Variants in GOLPH3 observed in about 807,000 individuals in gnomAD.
GOLPH3 encodes coat protein GPP34.
Under a neutral mutation model 28.5 loss-of-function variants are expected in GOLPH3, and 14 were observed. The observed-to-expected ratio is 0.49, with a 90% CI of 0.32 to 0.77. GOLPH3 has a LOEUF of 0.77. Ranked by LOEUF, GOLPH3 falls within the 30% of genes least tolerant of loss-of-function variation. The probability of loss-of-function intolerance (pLI) is 0.03; values close to 1 mark genes in which losing one functional copy is unlikely to be tolerated. For synonymous variants in GOLPH3, 158 were observed against 159.2 expected (o/e 0.99, Z 0.06); for missense variants, 350 against 393.7 (o/e 0.89, Z 0.94).
intron 2 of GOLPH3, among the ~76,000 whole-genome samples, chr5:32,139,978 G>C (rs1000063813): frequency 6.6e-6 from 1 of 152,170 alleles, no homozygotes; most frequent in Admixed American, 6.5e-5. Context: ...AACTCTTTAA[G>C]AGTAGCCAAG....
At chr5:32,167,887 G>A (rs900495326) in intron 1 of GOLPH3, among the ~76,000 whole-genome samples, 7 of 152,052 alleles carry the variant, frequency 4.6e-5, no homozygotes, top group African/African-American at 9.7e-5. Flanking sequence ...TCAGGAGGTC[G>A]AGGTTGCAAT....
chr5:32,150,877 T>C lies in GOLPH3; in HGVS notation c.226-6997A>G, dbSNP rs1746289102. 2.6e-5 allele frequency among the ~76,000 whole-genome samples: 4 copies of C among 152,124 alleles called. No individual in the cohort carries two copies. In the South Asian group the frequency reaches 6.2e-4, roughly 24 times the overall value. ...AATGTCATCACAAATCAATGTAACA[T>C]GGAAAGATGAACATTTTAAACAAAC... On this transcript the variant is annotated intron_variant, in intron 1 of 3. Transcript: ENST00000265070.
At chr5:32,144,799 G>A (rs1285492588) in intron 1 of GOLPH3, among the ~76,000 whole-genome samples, 1 of 152,166 alleles carries the variant, frequency 6.6e-6, no homozygotes, top group African/African-American at 2.4e-5. Context: ...TGGGATACTG[G>A]TCAAGCAGGC....
chr5:32,163,419 TGTG>T (rs2111890775), intron 1 of GOLPH3, among the ~76,000 whole-genome samples: 1 of 152,334 alleles, frequency 6.6e-6, no homozygotes, highest in East Asian at 1.9e-4. Context: ...GGCTCACATC[TGTG>T]ATCCCAGCAC....
At position 32,135,633 on chromosome 5, in the gene GOLPH3, C is replaced by T. The variant is rs949218403; in HGVS notation, c.411G>A (p.Leu137=). The change falls in exon 3 of 4, where the codon CTG becomes CTA. Residue 137 remains leucine (L), a synonymous_variant. Coordinates refer to ENST00000265070, the MANE Select transcript of GOLPH3 (RefSeq NM_022130.4). ...PTGDVLLDEA[L]KHVKETQPPE... Reference sequence around the variant, plus strand: ...GAGGCTGAGTTTCCTTAACATGCTTCAGAGCTTCATCAAGAAGAACATCCC... The same window carrying T: ...GAGGCTGAGTTTCCTTAACATGCTTTAGAGCTTCATCAAGAAGAACATCCC... 8 of 1,613,794 alleles carry T rather than the reference C, an allele frequency of 5.0e-6. No individual in the cohort carries two copies. Among genetic ancestry groups the T allele is most frequent in the Non-Finnish European group, 6.8e-6 (8 of 1,179,848 alleles).
intron 1 of GOLPH3, among the ~76,000 whole-genome samples, chr5:32,153,978 T>C (rs1400080189): frequency 6.6e-6 from 1 of 152,208 alleles, no homozygotes; most frequent in East Asian, 1.9e-4. Context: ...GGACATTGTG[T>C]TGGCCTTGCC....
rs1745642383 is a variant in GOLPH3 at position 32,124,927 on chromosome 5, T to C, written c.*1285A>G. 6.6e-6 allele frequency: 1 copy of C among 152,636 alleles called. No homozygotes were observed. The highest frequency in any genetic ancestry group is 1.5e-5 in the Non-Finnish European group (1 of 68,038). 9.5% of individuals were successfully genotyped at this position (152,636 alleles called of 1,614,324 possible). ...ATAAAAAATTTTGACATTTAATTTG[T>C]TCAACATATAGTATTTACATTATGA... On this transcript the variant is annotated 3_prime_UTR_variant, in exon 4 of 4. Transcript: ENST00000265070.
intron 2 of GOLPH3, among the ~76,000 whole-genome samples, chr5:32,136,153 C>T (rs1008386839): frequency 1.1e-4 from 17 of 151,670 alleles, no homozygotes; most frequent in Admixed American, 3.3e-4. Context: ...CCACCCTGGA[C>T]GAAAGAGTGA....
Position 32,143,750 on chromosome 5 carries a change from T to C in GOLPH3, c.356A>G (p.Lys119Arg). ...AATGTTACTCAGCACTCCTCTTACC[T>C]TTCTTGTTAATAGACTTTTACGTCT... ...GMRRKSLLTR[K>R]VICKSDAPTG... The change falls in exon 2 of 4, where the codon AAG becomes AGG. Residue 119 changes from lysine (K) to arginine (R), a missense_variant and splice_region_variant. By Grantham distance (26) the Lys-to-Arg change is conservative. Coordinates refer to ENST00000265070, the MANE Select transcript of GOLPH3 (RefSeq NM_022130.4). 6.2e-7 allele frequency: 1 copy of C among 1,607,904 alleles called. No homozygotes were observed. The highest frequency in any genetic ancestry group is 2.2e-5 in the East Asian group (1 of 44,556).
At chr5:32,141,795 G>C (rs944027845) in intron 2 of GOLPH3, among the ~76,000 whole-genome samples, 1 of 152,068 alleles carries the variant, frequency 6.6e-6, no homozygotes, top group East Asian at 1.9e-4. Context: ...GTGGAGACGG[G>C]GATTCGCTGT....
At chr5:32,159,292 C>T (rs1403684248) in intron 1 of GOLPH3, among the ~76,000 whole-genome samples, 6 of 152,210 alleles carry the variant, frequency 3.9e-5, no homozygotes, top group Admixed American at 3.9e-4. Context: ...ATACAAAATT[C>T]ATTTGTGTTT....
chr5:32,173,926 C>CGCTGCT lies in GOLPH3; in HGVS notation c.103_108dup (p.Ser35_Ser36dup). On this transcript the variant is annotated inframe_insertion, in exon 1 of 4. Transcript: ENST00000265070. Reference sequence around the variant, plus strand: ...TCGCGGCGGCTCTGCGCGTCGTCCTCGCTGCTGCCGGCGCCGCCGCCCGCC... The same window carrying CGCTGCT: ...TCGCGGCGGCTCTGCGCGTCGTCCTCGCTGCTGCTGCTGCCGGCGCCGCCGCCCGCC... The CGCTGCT allele has an allele frequency of 6.7e-6, 10 of 1,494,070 alleles. No homozygotes were observed. The highest frequency in any genetic ancestry group is 8.0e-6 in the Non-Finnish European group (9 of 1,127,002). 92.6% of individuals were successfully genotyped at this position (1,494,070 alleles called of 1,614,324 possible).
intron 1 of GOLPH3, among the ~76,000 whole-genome samples, chr5:32,148,301 G>A (rs1746222163): frequency 6.6e-6 from 1 of 152,184 alleles, no homozygotes. Flanking sequence ...AAACCAGTTT[G>A]CAACCGCTAA....
At position 32,143,890 on chromosome 5, in the gene GOLPH3, AAAG is replaced by A. The variant is rs538650816; in HGVS notation, c.226-13_226-11del. ...AAAATGATGTGTAACCCTATTAAAA[AAAG>A]AAGAAGAAATAAAACAAAATAGCTA... On this transcript the variant is annotated splice_polypyrimidine_tract_variant and intron_variant, in intron 1 of 3. Transcript: ENST00000265070. 1,980 of 1,494,930 alleles carry A rather than the reference AAAG, an allele frequency of 1.3e-3. 25 individuals carry two copies. In the African/African-American group the frequency reaches 0.022, roughly 17 times the overall value. The allele number at this position is 1,494,930 out of a possible 1,614,324, so 92.6% of individuals were successfully genotyped here. A position where few individuals can be genotyped will look rare whatever the true frequency, so the allele number is the denominator to read the frequency against.
intron 1 of GOLPH3, among the ~76,000 whole-genome samples, chr5:32,169,737 C>T (rs1746791441): frequency 6.6e-6 from 1 of 152,234 alleles, no homozygotes; most frequent in East Asian, 1.9e-4. Context: ...CCCTCAAACA[C>T]TGGGTCAATT....
rs1746910975 is a variant in GOLPH3 at position 32,173,882 on chromosome 5, G to A, written c.153C>T (p.Asp51=). 6.6e-7 allele frequency: 1 copy of A among 1,526,672 alleles called. No individual in the cohort carries two copies. The allele number at this position is 1,526,672 out of a possible 1,614,324, so 94.6% of individuals were successfully genotyped here. The change falls in exon 1 of 4, where the codon GAC becomes GAT. Residue 51 remains aspartate, a synonymous_variant. Transcript: ENST00000265070. The part of the protein sequence containing the change: ...QSRRDEQDDD[D]KGDSKETRLT... Reference sequence around the variant, plus strand: ...GCCGCGTTTCCTTGGAGTCGCCCTTGTCGTCGTCGTCCTGCTCGTCGCGGC... The same window carrying A: ...GCCGCGTTTCCTTGGAGTCGCCCTTATCGTCGTCGTCCTGCTCGTCGCGGC...
chr5:32,172,905 C>G (rs889511749), intron 1 of GOLPH3, among the ~76,000 whole-genome samples: 4 of 152,206 alleles, frequency 2.6e-5, no homozygotes, highest in Non-Finnish European at 5.9e-5. Context: ...ATAACAAATA[C>G]AGCAAAACGT....
intron 1 of GOLPH3, among the ~76,000 whole-genome samples, chr5:32,172,896 T>C (rs1746875218): frequency 6.6e-6 from 1 of 152,200 alleles, no homozygotes. Flanking sequence ...TAGGCAAATA[T>C]AACAAATACA....
chr5:32,147,184 T>C (rs1746195504), intron 1 of GOLPH3, among the ~76,000 whole-genome samples: 2 of 152,076 alleles, frequency 1.3e-5, no homozygotes, highest in African/African-American at 4.8e-5. Context: ...TACAAATATA[T>C]TGATCACATC....
Sources: gnomAD v4.1 joint callset for allele counts (sites outside exome capture counted in the v4.1 genomes callset) on GRCh38, gnomAD v4.1.1 for gene constraint, MANE v1.5 for transcripts, NCBI Gene and HGNC (gene_info 2026-07-23, HGNC 2026-07-21) for gene names.